The following CALD1 variants were observed in gnomAD, a reference collection of about 807,000 sequenced individuals.
CALD1 encodes caldesmon 1.
In CALD1, 33 loss-of-function variants were observed where a neutral mutation model predicts 99.9. The ratio of observed to expected loss-of-function variants is 0.33; its 90% CI spans 0.25 to 0.44. CALD1 has a LOEUF of 0.44. Among genes scored for constraint, CALD1 ranks in the 20% least tolerant of loss-of-function variants. The pLI is 1.00. For synonymous variants in CALD1, 310 were observed against 325.0 expected (o/e 0.95, Z 0.50); for missense variants, 861 against 962.1 (o/e 0.89, Z 1.39).
At chr7:134,888,205 G>T (rs982026275) in intron 3 of CALD1, among the ~76,000 whole-genome samples, 4 of 152,156 alleles carry the variant, frequency 2.6e-5, no homozygotes, top group Admixed American at 2.6e-4. Context: ...AGAAACAAAG[G>T]ATACTATGAG....
intron 1 of CALD1, among the ~76,000 whole-genome samples, chr7:134,759,896 G>A (rs1350741540): frequency 6.6e-6 from 1 of 152,236 alleles, no homozygotes; most frequent in Non-Finnish European, 1.5e-5. Flanking sequence ...AATAACTCAA[G>A]GTGGGCGATA....
upstream of CALD1, among the ~76,000 whole-genome samples, chr7:134,778,861 A>G (rs529334678): frequency 3.9e-5 from 6 of 152,320 alleles, no homozygotes; most frequent in South Asian, 1.2e-3. Flanking sequence ...AACAAAAGAG[A>G]TAAGGAGAGG....
chr7:134,810,838 A>G (rs1353220634), intron 1 of CALD1, among the ~76,000 whole-genome samples: 2 of 152,172 alleles, frequency 1.3e-5, no homozygotes, highest in African/African-American at 4.8e-5. Context: ...CTCCTGGGCC[A>G]TGGAGGAATG....
intron 1 of CALD1, among the ~76,000 whole-genome samples, chr7:134,764,244 A>C (rs1483690750): frequency 6.6e-6 from 1 of 152,174 alleles, no homozygotes; most frequent in Non-Finnish European, 1.5e-5. Flanking sequence ...ACCGTTCCCC[A>C]GGCACCAACT....
chr7:134,794,296 A>G (rs116467117), intron 1 of CALD1, among the ~76,000 whole-genome samples: 1,677 of 152,260 alleles, frequency 0.011, 35 homozygotes, highest in African/African-American at 0.038. Context: ...CTCGCACGGG[A>G]TGCATTTCCT....
At chr7:134,781,239 A>T (rs191155686) in intron 1 of CALD1, among the ~76,000 whole-genome samples, 205 of 152,260 alleles carry the variant, frequency 1.3e-3, no homozygotes, top group Non-Finnish European at 2.3e-3. Context: ...ATGGAGAGCA[A>T]TTTTTCTTTT....
At chr7:134,817,279 T>A (rs1798599435) in intron 1 of CALD1, among the ~76,000 whole-genome samples, 1 of 152,210 alleles carries the variant, frequency 6.6e-6, no homozygotes, top group African/African-American at 2.4e-5. Flanking sequence ...TTTTTCTTTA[T>A]TTGCTCTTTT....
chr7:134,897,791 C>T (rs182654965), intron 3 of CALD1, among the ~76,000 whole-genome samples: 1 of 152,294 alleles, frequency 6.6e-6, no homozygotes, highest in East Asian at 1.9e-4. Context: ...ACTGCAGCCT[C>T]AACCTCCTGG....
Position 134,867,596 on chromosome 7 carries a change from T to G in CALD1, c.-41-97T>G, listed in dbSNP as rs147085523. On this transcript the variant is annotated intron_variant, in intron 2 of 14. Coordinates refer to ENST00000361675, the MANE Select transcript of CALD1 (RefSeq NM_033138.4). The stretch of plus-strand genomic sequence containing the variant: ...TCAGCTTTCTAAGAGTAAAGAAAAA[T>G]CAGGAGAATGACAAATGGGAAAGAG... 8.3e-5 allele frequency: 41 copies of G among 494,406 alleles called. No individual in the cohort carries two copies. The East Asian group carries it at 1.3e-3, about 16-fold the overall frequency. The allele number at this position is 494,406 out of a possible 1,614,324, so 30.6% of individuals were successfully genotyped here.
At chr7:134,773,993 A>G (rs569123433) in intron 1 of CALD1, among the ~76,000 whole-genome samples, 1 of 151,500 alleles carries the variant, frequency 6.6e-6, no homozygotes, top group Admixed American at 6.6e-5. Flanking sequence ...ACATGGGGAA[A>G]CCCCGTCTCT....
At chr7:134,733,638 C>A in the CALD1 span, among the ~76,000 whole-genome samples, 1 of 151,732 alleles carries the variant, frequency 6.6e-6, no homozygotes, top group East Asian at 1.9e-4. Flanking sequence ...GAAACCCCGT[C>A]TCTACTAAAA....
the CALD1 span, among the ~76,000 whole-genome samples, chr7:134,712,790 A>G: frequency 6.6e-6 from 1 of 152,228 alleles, no homozygotes; most frequent in Admixed American, 6.5e-5. Context: ...CTACCCTTGA[A>G]TAAAACAGCA....
At chr7:134,790,723 T>C (rs1264644734) in intron 1 of CALD1, among the ~76,000 whole-genome samples, 1 of 152,092 alleles carries the variant, frequency 6.6e-6, no homozygotes, top group Non-Finnish European at 1.5e-5. Flanking sequence ...GCCAGAGAAG[T>C]AGTTTTGTGT....
At chr7:134,902,399 A>C (rs1292253388) in intron 3 of CALD1, among the ~76,000 whole-genome samples, 6 of 152,148 alleles carry the variant, frequency 3.9e-5, no homozygotes, top group African/African-American at 1.4e-4. Context: ...AATGTCTGAC[A>C]TTAATGAAAC....
intron 2 of CALD1, among the ~76,000 whole-genome samples, chr7:134,853,876 C>CTCT (rs35846091): frequency 1.4e-5 from 2 of 140,626 alleles, no homozygotes; most frequent in African/African-American, 5.4e-5. Context: ...ACCCCCACCC[C>CTCT]GACAGGTCCC....
At chr7:134,748,575 G>A (rs931331522) in intron 1 of CALD1, among the ~76,000 whole-genome samples, 1 of 152,098 alleles carries the variant, frequency 6.6e-6, no homozygotes, top group Admixed American at 6.5e-5. Context: ...GCTGGGTGTG[G>A]TGGCAGGCAC....
intron 3 of CALD1, among the ~76,000 whole-genome samples, chr7:134,927,155 C>T (rs547403686): frequency 7.2e-4 from 109 of 152,266 alleles, no homozygotes; most frequent in African/African-American, 2.6e-3. Context: ...CCTTCAAAAA[C>T]AGCTAAGTCA....
chr7:134,886,947 C>T (rs1202937279), intron 3 of CALD1, among the ~76,000 whole-genome samples: 1 of 152,206 alleles, frequency 6.6e-6, no homozygotes, highest in Non-Finnish European at 1.5e-5. Flanking sequence ...TTGTAGTAAA[C>T]ATTCCAATAG....
At chr7:134,711,716 GTGTGTGTGTGTC>G in the CALD1 span, among the ~76,000 whole-genome samples, 587 of 112,858 alleles carry the variant, frequency 5.2e-3, 2 homozygotes, top group Middle Eastern at 0.014. Context: ...GTGTGTGTGT[GTGTGTGTGTGTC>G]TCTCTCTCTG....
Sources: gnomAD v4.1 joint callset for allele counts (sites outside exome capture counted in the v4.1 genomes callset) on GRCh38, gnomAD v4.1.1 for gene constraint, MANE v1.5 for transcripts, NCBI Gene and HGNC (gene_info 2026-07-23, HGNC 2026-07-21) for gene names.